ZNF444: variants seen among roughly 807,000 people sequenced by gnomAD.
ZNF444 encodes endothelial zinc finger protein 2.
ZNF444 carries 8 observed loss-of-function variants against 14.4 expected under a neutral mutation model. The ratio of observed to expected loss-of-function variants is 0.56; its 90% CI spans 0.33 to 1.00. ZNF444 has a LOEUF of 1.00. Among genes scored for constraint, ZNF444 ranks in the 50% least tolerant of loss-of-function variants. ZNF444 has a pLI of 0.03. For missense variants in ZNF444, 510 were observed against 504.8 expected (o/e 1.01, Z -0.10); for synonymous variants, 258 against 235.9 (o/e 1.09, Z -0.86).
intron 1 of ZNF444, among the ~76,000 whole-genome samples, chr19:56,134,125 C>T (rs1427227258): frequency 1.3e-5 from 2 of 152,090 alleles, no homozygotes; most frequent in East Asian, 3.9e-4. Flanking sequence ...CGTCCATCAT[C>T]CACTCACCCA....
chr19:56,160,148 G>A lies in ZNF444; in HGVS notation c.931G>A (p.Val311Ile), dbSNP rs1466454857. The stretch of plus-strand genomic sequence containing the variant: ...GGCAGCGGCCAGCGCGCAGGGGGCG[G>A]TAGCTCCGGGCCCGGATGGTGGAGG... ...GRAAASAQGA[V>I]APGPDGGGPF... The change falls in exon 5 of 5, where the codon GTA (valine) becomes ATA (isoleucine). Residue 311 changes from valine to isoleucine, a missense_variant. Val to Ile is a conservative substitution (Grantham distance 29). Transcript: ENST00000337080. 2 of 1,483,200 alleles carry A rather than the reference G, an allele frequency of 1.3e-6. No homozygotes were observed. The highest frequency in any genetic ancestry group is 8.9e-7 in the Non-Finnish European group (1 of 1,125,594). The allele number at this position is 1,483,200 out of a possible 1,614,324, so 91.9% of individuals were successfully genotyped here.
chr19:56,139,699 A>C (rs1018559270), upstream of ZNF444, among the ~76,000 whole-genome samples: 1 of 110,802 alleles, frequency 9.0e-6, no homozygotes, highest in Non-Finnish European at 1.9e-5. Context: ...AAACAAAACA[A>C]AACAAAACAA....
upstream of ZNF444, among the ~76,000 whole-genome samples, chr19:56,136,570 C>T (rs1461772757): frequency 6.6e-6 from 1 of 152,118 alleles, no homozygotes; most frequent in East Asian, 1.9e-4. Flanking sequence ...ACTCGTACTC[C>T]CTGCCAGGTA....
At chr19:56,148,312 G>A (rs1381103653) in intron 3 of ZNF444, among the ~76,000 whole-genome samples, 1 of 152,130 alleles carries the variant, frequency 6.6e-6, no homozygotes, top group Non-Finnish European at 1.5e-5. Flanking sequence ...GGGGCCCTGA[G>A]TGAGGGGGTG....
chr19:56,158,727 C>A, intron 4 of ZNF444, 125 bp downstream of exon 4: 1 of 881,872 alleles, frequency 1.1e-6, no homozygotes, highest in Non-Finnish European at 1.7e-6. Flanking sequence ...TGAGGAGCCC[C>A]GGGGTTCGGA....
rs1315573178 is a variant in ZNF444, at chr19:56,160,296, T to C, written c.*95T>C. 4 of 1,019,880 alleles carry C rather than the reference T, an allele frequency of 3.9e-6. No individual in the cohort carries two copies. The highest frequency in any genetic ancestry group is 5.3e-6 in the Non-Finnish European group (4 of 754,058). 63.2% of individuals were successfully genotyped at this position (1,019,880 alleles called of 1,614,324 possible). On this transcript the variant is annotated 3_prime_UTR_variant, in exon 5 of 5. Transcript: ENST00000337080. ...CCACTTGGCCTCTTCCTCTCCTCCT[T>C]CCCTCCCATCGTCCTCCTCCACCTG...
rs1207961802 is a variant in ZNF444, at chr19:56,142,962, A to G, written c.-197+1605A>G. ...ATCTCCCTATGGTAAGAGGGGACCC[A>G]TCTCCCCAGCTCACAGGTCTGTTGG... On this transcript the variant is annotated intron_variant, in intron 1 of 4. Transcript: ENST00000337080. Among the ~76,000 whole-genome samples the G allele has an allele frequency of 3.3e-5, 5 of 152,094 alleles. No homozygotes were observed. In the East Asian group the frequency reaches 9.6e-4, roughly 29 times the overall value.
At chr19:56,153,057 A>T (rs564083205) in intron 3 of ZNF444, among the ~76,000 whole-genome samples, 12 of 152,092 alleles carry the variant, frequency 7.9e-5, no homozygotes, top group African/African-American at 2.7e-4. Context: ...CATTTTTTTT[A>T]AAAGTGCCTC....
At position 56,160,595 on chromosome 19, in the gene ZNF444, G is replaced by T. The variant is rs1012961762; in HGVS notation, c.*394G>T. On this transcript the variant is annotated 3_prime_UTR_variant, in exon 5 of 5. Coordinates refer to ENST00000337080, the MANE Select transcript of ZNF444 (RefSeq NM_018337.4). ...GGTGAGGACCTGGGACCCCTGAGGG[G>T]CAGGCCAGGAGGAGCTCGGGCGCAG... The T allele has an allele frequency of 3.9e-5, 8 of 205,770 alleles. No individual in the cohort carries two copies. In the South Asian group the frequency reaches 1.3e-3, roughly 33 times the overall value. 12.7% of individuals were successfully genotyped at this position (205,770 alleles called of 1,614,324 possible). A position where few individuals can be genotyped will look rare whatever the true frequency, so the allele number is the denominator to read the frequency against.
chr19:56,137,634 C>T (rs753952586), upstream of ZNF444, among the ~76,000 whole-genome samples: 3 of 152,068 alleles, frequency 2.0e-5, no homozygotes, highest in Non-Finnish European at 2.9e-5. Flanking sequence ...GATCTGCCTG[C>T]CAAGCTGTGT....
intron 3 of ZNF444, chr19:56,150,877 A>G (rs1224504227): frequency 5.7e-6 from 2 of 353,866 alleles, no homozygotes; most frequent in Non-Finnish European, 1.1e-5. Context: ...ACGGTGGCGC[A>G]TAGACAGCTG....
chr19:56,132,763 T>C (rs1220464553), exon 1 of ZNF444: 2 of 152,184 alleles, frequency 1.3e-5, no homozygotes, highest in Non-Finnish European at 2.9e-5. Flanking sequence ...AATTCTTCTC[T>C]GCCTTGGCAG....
upstream of ZNF444, among the ~76,000 whole-genome samples, chr19:56,137,505 A>T (rs2030638917): frequency 6.6e-6 from 1 of 152,176 alleles, no homozygotes; most frequent in South Asian, 2.1e-4. Context: ...AAAGTGGCCA[A>T]TGAGTTGAAA....
chr19:56,137,063 G>A (rs867897867), upstream of ZNF444, among the ~76,000 whole-genome samples: 1 of 151,410 alleles, frequency 6.6e-6, no homozygotes, highest in Non-Finnish European at 1.5e-5. Flanking sequence ...GATTACAGGC[G>A]TGAGCCACTG....
At chr19:56,149,168 T>C (rs12975885) in intron 3 of ZNF444, among the ~76,000 whole-genome samples, 1 of 67,622 alleles carries the variant, frequency 1.5e-5, no homozygotes, top group Non-Finnish European at 2.6e-5. Flanking sequence ...ACCTCTGCTT[T>C]CATCCCCATC....
intron 3 of ZNF444, among the ~76,000 whole-genome samples, chr19:56,149,419 C>G (rs190858830): frequency 6.6e-6 from 1 of 150,538 alleles, no homozygotes; most frequent in Admixed American, 6.6e-5. Flanking sequence ...ACCTTGACCT[C>G]TGCTTCCATC....
rs533114893 is a variant in ZNF444 at position 56,141,846 on chromosome 19, C to G, written c.-197+489C>G. 230 of 152,196 alleles carry G rather than the reference C, an allele frequency of 1.5e-3. 1 individual carries two copies. The highest frequency in any genetic ancestry group is 4.3e-3 in the African/African-American group (179 of 41,516). 9.4% of individuals were successfully genotyped at this position (152,196 alleles called of 1,614,324 possible). On this transcript the variant is annotated intron_variant, in intron 1 of 4. Transcript: ENST00000337080. Reference sequence around the variant, plus strand: ...GATGGTTATTGTTGTAACGTAGATACGGCGCAGGTGGCTCGTTTTGCGCGC... The same window carrying G: ...GATGGTTATTGTTGTAACGTAGATAGGGCGCAGGTGGCTCGTTTTGCGCGC...
rs564419508 is a variant in ZNF444 at position 56,151,679 on chromosome 19, C to T, written c.297+4471C>T. On this transcript the variant is annotated intron_variant, in intron 3 of 4. Transcript: ENST00000337080. ...TGTATAGACAGCTGACATCTGGGGG[C>T]GCTGCTGTGCATTGGGGTTTCTTGG... The T allele has an allele frequency of 2.6e-3, 1,131 of 432,644 alleles. 34 individuals are homozygous for T. The highest frequency in any genetic ancestry group is 0.017 in the South Asian group (1,076 of 61,594). The allele number at this position is 432,644 out of a possible 1,614,324, so 26.8% of individuals were successfully genotyped here.
At chr19:56,134,430 T>G (rs1599979779) in intron 1 of ZNF444, among the ~76,000 whole-genome samples, 1 of 152,192 alleles carries the variant, frequency 6.6e-6, no homozygotes, top group East Asian at 1.9e-4. Context: ...GGAGGGTTGG[T>G]CTCTGTTGCT....
Sources: gnomAD v4.1 joint callset for allele counts (sites outside exome capture counted in the v4.1 genomes callset) on GRCh38, gnomAD v4.1.1 for gene constraint, MANE v1.5 for transcripts, NCBI Gene and HGNC (gene_info 2026-07-23, HGNC 2026-07-21) for gene names.